The following ANTXR2 variants were observed in gnomAD, a reference collection of about 807,000 sequenced individuals.
ANTXR2 encodes the protein ANTXR cell adhesion molecule 2.
A neutral mutation model predicts 73.7 loss-of-function variants in ANTXR2; 44 were observed. That is an observed-to-expected ratio of 0.60 (90% CI 0.47 to 0.77). The LOEUF (loss-of-function observed/expected upper bound fraction) is 0.77, where lower values mean the gene tolerates loss of function less well. Ranked by LOEUF, ANTXR2 falls within the 30% of genes least tolerant of loss-of-function variation. The probability of loss-of-function intolerance (pLI) is 0.00; values close to 1 mark genes in which losing one functional copy is unlikely to be tolerated. For missense variants in ANTXR2, 604 were observed against 592.5 expected (o/e 1.02, Z -0.20); for synonymous variants, 217 against 205.9 (o/e 1.05, Z -0.46).
chr4:79,945,548 G>A (rs546881433), intron 16 of ANTXR2, among the ~76,000 whole-genome samples: 5 of 152,174 alleles, frequency 3.3e-5, no homozygotes, highest in African/African-American at 1.2e-4. Flanking sequence ...ATAAAATAAA[G>A]CTGAAAGAAA....
At chr4:80,068,076 T>C (rs1734592495) in intron 3 of ANTXR2, among the ~76,000 whole-genome samples, 1 of 151,710 alleles carries the variant, frequency 6.6e-6, no homozygotes, top group African/African-American at 2.4e-5. Flanking sequence ...TGCAGGGAGA[T>C]TTTCCTCTCT....
In ANTXR2 at chr4:80,057,610, A is replaced by G. The variant is rs1734055849; in HGVS notation, c.297-1597T>C. Reference sequence around the variant, plus strand: ...TTTTTAAATATTTGGTTTAAAGTCTACCTATTCTGAACCATTCTTTAAGTT... The same window carrying G: ...TTTTTAAATATTTGGTTTAAAGTCTGCCTATTCTGAACCATTCTTTAAGTT... On this transcript the variant is annotated intron_variant, in intron 3 of 16. Coordinates refer to ENST00000403729, the MANE Select transcript of ANTXR2 (RefSeq NM_058172.6). 2.6e-5 allele frequency among the ~76,000 whole-genome samples: 4 copies of G among 151,874 alleles called. No homozygotes were observed. In the South Asian group the frequency reaches 8.3e-4, roughly 31 times the overall value.
At chr4:80,029,333 C>T (rs1401120521) in intron 10 of ANTXR2, among the ~76,000 whole-genome samples, 3 of 147,328 alleles carry the variant, frequency 2.0e-5, no homozygotes, top group Admixed American at 1.4e-4. Flanking sequence ...ATTTGAAAGC[C>T]AAGATTTTTT....
At chr4:80,044,357 G>A (rs1469299719) in intron 7 of ANTXR2, among the ~76,000 whole-genome samples, 4 of 151,836 alleles carry the variant, frequency 2.6e-5, no homozygotes, top group African/African-American at 4.8e-5. Context: ...AATAACAAAC[G>A]TAGGACACAT....
chr4:80,012,684 C>T (rs1301845738), intron 11 of ANTXR2, among the ~76,000 whole-genome samples: 1 of 152,132 alleles, frequency 6.6e-6, no homozygotes, highest in Non-Finnish European at 1.5e-5. Flanking sequence ...TGAATTATAG[C>T]ATTTATCAGA....
intron 12 of ANTXR2, among the ~76,000 whole-genome samples, chr4:79,985,808 C>A (rs899099086): frequency 6.6e-6 from 1 of 151,200 alleles, no homozygotes; most frequent in Non-Finnish European, 1.5e-5. Context: ...TCCTGTGATG[C>A]CTTACTCATG....
intron 8 of ANTXR2, among the ~76,000 whole-genome samples, chr4:80,034,111 C>T (rs995127056): frequency 6.6e-6 from 1 of 152,012 alleles, no homozygotes; most frequent in South Asian, 2.1e-4. Flanking sequence ...CTATTTCAAA[C>T]CTATAAATAA....
Position 79,902,031 on chromosome 4 carries a change from C to T in ANTXR2, c.*5398G>A, listed in dbSNP as rs1185147241. 6.6e-6 allele frequency: 1 copy of T among 152,130 alleles called. No individual in the cohort carries two copies. Among genetic ancestry groups the T allele is most frequent in the African/African-American group, 2.4e-5 (1 of 41,432 alleles). The allele number at this position is 152,130 out of a possible 1,614,324, so 9.4% of individuals were successfully genotyped here. A position where few individuals can be genotyped will look rare whatever the true frequency, so the allele number is the denominator to read the frequency against. On this transcript the variant is annotated 3_prime_UTR_variant, in exon 17 of 17. Coordinates refer to ENST00000403729, the MANE Select transcript of ANTXR2 (RefSeq NM_058172.6). ...GTCCATGACCTGGGGGATGGGATCC[C>T]TGCTCTAGAAGACTAGTTCTTGCCT... is the stretch of plus-strand genomic sequence containing the variant.
At chr4:80,052,140 AG>A (rs1269507388) in intron 7 of ANTXR2, among the ~76,000 whole-genome samples, 2 of 151,676 alleles carry the variant, frequency 1.3e-5, no homozygotes, top group East Asian at 3.9e-4. Flanking sequence ...CTATTGGCTT[AG>A]CTTTATGTAA....
chr4:79,946,892 C>T (rs1433938581), intron 16 of ANTXR2, among the ~76,000 whole-genome samples: 1 of 152,002 alleles, frequency 6.6e-6, no homozygotes, highest in Non-Finnish European at 1.5e-5. Flanking sequence ...GGTACTAATC[C>T]TAAAACCTTA....
chr4:79,933,868 G>T (rs1419016474), intron 16 of ANTXR2, among the ~76,000 whole-genome samples: 3 of 151,140 alleles, frequency 2.0e-5, no homozygotes, highest in African/African-American at 7.3e-5. Context: ...CGGAATAGCT[G>T]GGACTACAGG....
At chr4:79,955,637 T>C (rs1161795919) in intron 16 of ANTXR2, among the ~76,000 whole-genome samples, 1 of 152,090 alleles carries the variant, frequency 6.6e-6, no homozygotes, top group Non-Finnish European at 1.5e-5. Context: ...GCTGGGTTGG[T>C]TGAAATTAGA....
chr4:79,999,364 TC>T (rs1730904108), intron 12 of ANTXR2, among the ~76,000 whole-genome samples: 1 of 151,994 alleles, frequency 6.6e-6, no homozygotes, highest in African/African-American at 2.4e-5. Flanking sequence ...CTTTCCTTCT[TC>T]ATGAAGAAGG....
Position 80,072,883 on chromosome 4 carries a change from A to G in ANTXR2, c.-323T>C. 3.0e-6 allele frequency: 1 copy of G among 337,324 alleles called. No homozygotes were observed. The highest frequency in any genetic ancestry group is 4.8e-6 in the Non-Finnish European group (1 of 210,072). 20.9% of individuals were successfully genotyped at this position (337,324 alleles called of 1,614,324 possible). A position where few individuals can be genotyped will look rare whatever the true frequency, so the allele number is the denominator to read the frequency against. ...GCGGGCCCACGGCGACAGCTCGCGAAAGGAGTTCCTCTCCGGCCTGGGGCC... is the reference window on the plus strand; with the variant it reads ...GCGGGCCCACGGCGACAGCTCGCGAGAGGAGTTCCTCTCCGGCCTGGGGCC... On this transcript the variant is annotated 5_prime_UTR_variant, in exon 1 of 17. Transcript: ENST00000403729.
intron 10 of ANTXR2, among the ~76,000 whole-genome samples, chr4:80,026,738 T>A (rs1732464231): frequency 6.6e-6 from 1 of 152,162 alleles, no homozygotes; most frequent in South Asian, 2.1e-4. Context: ...AATCTGTCTG[T>A]CATGTGACAG....
intron 16 of ANTXR2, among the ~76,000 whole-genome samples, chr4:79,960,903 G>T (rs1365672407): frequency 6.6e-6 from 1 of 151,878 alleles, no homozygotes; most frequent in African/African-American, 2.4e-5. Context: ...AAAAATGAGA[G>T]ATATTTAGCA....
intron 12 of ANTXR2, among the ~76,000 whole-genome samples, chr4:79,986,123 G>A (rs1045979192): frequency 4.6e-5 from 7 of 152,016 alleles, no homozygotes; most frequent in African/African-American, 7.2e-5. Context: ...AATTCTTCAC[G>A]TGAATAGAAT....
Position 80,072,970 on chromosome 4 carries a change from C to T in ANTXR2, c.-410G>A, listed in dbSNP as rs72869605. 0.19 allele frequency: 31,365 copies of T among 167,492 alleles called. 3,347 individuals are homozygous for T. The highest frequency in any genetic ancestry group is 0.25 in the Middle Eastern group (91 of 364). 10.4% of individuals were successfully genotyped at this position (167,492 alleles called of 1,614,324 possible). A position where few individuals can be genotyped will look rare whatever the true frequency, so the allele number is the denominator to read the frequency against. On this transcript the variant is annotated 5_prime_UTR_variant, in exon 1 of 17. Coordinates refer to ENST00000403729, the MANE Select transcript of ANTXR2 (RefSeq NM_058172.6). ...CCCACCCCGCCTGGAGGGCTGAAGT[C>T]CCCCCCGCTGCCGTGCGCTTCGGGA...
intron 7 of ANTXR2, among the ~76,000 whole-genome samples, chr4:80,045,000 G>C (rs1401168271): frequency 6.6e-6 from 1 of 151,700 alleles, no homozygotes; most frequent in African/African-American, 2.4e-5. Flanking sequence ...AAGATACAGA[G>C]CTTACTGAGA....
Sources: allele counts gnomAD v4.1 joint callset (sites outside exome capture counted in the v4.1 genomes callset), GRCh38; gene constraint gnomAD v4.1.1; transcripts MANE v1.5; gene names NCBI Gene and HGNC (gene_info 2026-07-23, HGNC 2026-07-21).